The following FAM131C variants were observed in gnomAD, a reference collection of about 807,000 sequenced individuals.
The protein encoded by FAM131C is family with sequence similarity 131 member C.
Under a neutral mutation model 29.8 loss-of-function variants are expected in FAM131C, and 14 were observed. The ratio of observed to expected loss-of-function variants is 0.47; its 90% CI spans 0.31 to 0.73. The LOEUF is 0.73. FAM131C is among the 30% of genes least tolerant of loss of function. The pLI, the probability that FAM131C is intolerant of heterozygous loss-of-function variation, is 0.05. For missense variants in FAM131C, 252 were observed against 383.8 expected (o/e 0.66, Z 2.87); for synonymous variants, 86 against 157.8 (o/e 0.54, Z 3.41).
At position 16,062,523 on chromosome 1, in the gene FAM131C, C is replaced by T. The variant is rs767889621; in HGVS notation, c.150G>A (p.Met50Ile). The change falls in exon 3 of 7, where the codon ATG (methionine) becomes ATA (isoleucine). Residue 50 changes from methionine to isoleucine, a missense_variant. By Grantham distance (10) the Met-to-Ile change is conservative. Around this residue, in one of 6 missense-constraint regions of FAM131C, gnomAD observed 52 missense variants for 105.9 expected, o/e 0.49. Coordinates refer to ENST00000375662, the MANE Select transcript of FAM131C (RefSeq NM_182623.3). ...PDCVIGKDKQ[M>I]DFCWDPWQRC... ...CCTGCCAAGGATCCCAACAGAAATC[C>T]ATCTGTTTGTCCTAAAACAAGAGGA... 32 of 1,580,634 alleles carry T rather than the reference C, an allele frequency of 2.0e-5. No homozygotes were observed. Among genetic ancestry groups the T allele is most frequent in the Non-Finnish European group, 2.3e-5 (27 of 1,163,564 alleles).
chr1:16,073,518 G>A lies in FAM131C; in HGVS notation c.-76C>T. On this transcript the variant is annotated 5_prime_UTR_variant, in exon 1 of 7. Transcript: ENST00000375662. ...GGCGTTCATGTCTCCGCGGGCCCGG[G>A]GCTGAGCGCTGCGGAGCCAGAGGAC... is the stretch of plus-strand genomic sequence containing the variant. 4.3e-6 allele frequency: 4 copies of A among 932,482 alleles called. No individual in the cohort carries two copies. The highest frequency in any genetic ancestry group is 5.5e-6 in the Non-Finnish European group (4 of 730,866). The allele number at this position is 932,482 out of a possible 1,614,324, so 57.8% of individuals were successfully genotyped here. A position where few individuals can be genotyped will look rare whatever the true frequency, so the allele number is the denominator to read the frequency against.
intron 1 of FAM131C, among the ~76,000 whole-genome samples, chr1:16,066,128 C>T (rs1453529971): frequency 1.3e-5 from 2 of 152,188 alleles, no homozygotes; most frequent in Admixed American, 6.5e-5. Flanking sequence ...CTCAGGCGAT[C>T]CGCCTGCCTC....
intron 1 of FAM131C, among the ~76,000 whole-genome samples, chr1:16,065,297 C>T (rs1220120128): frequency 1.3e-5 from 2 of 152,206 alleles, no homozygotes; most frequent in African/African-American, 4.8e-5. Flanking sequence ...CGCAGTCAAC[C>T]GGCAAATCCT....
At position 16,059,916 on chromosome 1, in the gene FAM131C, T is replaced by A. The variant is rs377599440; in HGVS notation, c.404A>T (p.His135Leu). 2 of 1,428,072 alleles carry A rather than the reference T, an allele frequency of 1.4e-6. No homozygotes were observed. The highest frequency in any genetic ancestry group is 1.9e-6 in the Non-Finnish European group (2 of 1,078,802). 88.5% of individuals were successfully genotyped at this position (1,428,072 alleles called of 1,614,324 possible). A position where few individuals can be genotyped will look rare whatever the true frequency, so the allele number is the denominator to read the frequency against. ...CAGCTCATCCGGGAGGCAGCAGTAA[T>A]GCTCGTCCTCAGCTGGGGACAGCTC... ...GWELSPAEDE[H>L]YCCLPDELRE... The change falls in exon 5 of 7, where the codon CAT becomes CTT. Residue 135 changes from histidine (H) to leucine (L), a missense_variant. By Grantham distance (99) the His-to-Leu change is moderately conservative. Around this residue, in one of 6 missense-constraint regions of FAM131C, gnomAD observed 38 missense variants for 32.7 expected, o/e 1.16. Transcript: ENST00000375662.
chr1:16,066,479 G>A (rs2023685067), intron 1 of FAM131C, among the ~76,000 whole-genome samples: 1 of 152,226 alleles, frequency 6.6e-6, no homozygotes, highest in South Asian at 2.1e-4. Flanking sequence ...CCCTGAGCTA[G>A]TCCTGCCCCT....
Position 16,059,890 on chromosome 1 carries a change from G to A in FAM131C, c.430C>T (p.Arg144Cys), listed in dbSNP as rs781054255. The stretch of plus-strand genomic sequence containing the variant: ...TGACCTGCAGCAAAGCGGGCCTCAC[G>A]CAGCTCATCCGGGAGGCAGCAGTAA... ...EHYCCLPDEL[R>C]EARFAAGVAE... Residue 144 changes from arginine to cysteine, a missense_variant, in exon 5 of 7, where the codon CGT (arginine) becomes TGT (cysteine). Arg to Cys is a radical substitution (Grantham distance 180, BLOSUM62 -3). Around this residue, in one of 6 missense-constraint regions of FAM131C, gnomAD observed 38 missense variants for 32.7 expected, o/e 1.16. Transcript: ENST00000375662. The A allele has an allele frequency of 1.6e-6, 2 of 1,269,016 alleles. No homozygotes were observed. Among genetic ancestry groups the A allele is most frequent in the African/African-American group, 1.9e-5 (1 of 53,634 alleles). 78.6% of individuals were successfully genotyped at this position (1,269,016 alleles called of 1,614,324 possible).
At chr1:16,058,913 TAA>T (rs2023539518) in intron 6 of FAM131C, among the ~76,000 whole-genome samples, 196 bp from the exon 7 acceptor site, 2 of 152,248 alleles carry the variant, frequency 1.3e-5, no homozygotes, top group African/African-American at 4.8e-5. Context: ...ACGGAGGAGT[TAA>T]GAGTGGGCTT....
chr1:16,070,092 G>A (rs1470482906), intron 1 of FAM131C, among the ~76,000 whole-genome samples: 1 of 152,106 alleles, frequency 6.6e-6, no homozygotes, highest in African/African-American at 2.4e-5. Flanking sequence ...AGCAAAGGAC[G>A]GGGTTTCCAC....
In FAM131C at chr1:16,058,516, C is replaced by T. The variant is rs768906639; in HGVS notation, c.764G>A (p.Gly255Asp). Residue 255 changes from glycine to aspartate, a missense_variant, in exon 7 of 7, where the codon GGT becomes GAT. By Grantham distance (94) the Gly-to-Asp change is moderately conservative. Around this residue, in one of 6 missense-constraint regions of FAM131C, gnomAD observed 42 missense variants for 51.7 expected, o/e 0.81. Coordinates refer to ENST00000375662, the MANE Select transcript of FAM131C (RefSeq NM_182623.3). ...GAGGGAGCCCGGGGGGTGGGTCCCA[C>T]CCTCGGGTCCTTGGGCCCCGGGCAG... ...RRLPGAQGPE[G>D]GTHPPGSLPS... 10 of 1,518,382 alleles carry T rather than the reference C, an allele frequency of 6.6e-6. No homozygotes were observed. The highest frequency in any genetic ancestry group is 7.9e-6 in the Non-Finnish European group (9 of 1,134,254). 94.1% of individuals were successfully genotyped at this position (1,518,382 alleles called of 1,614,324 possible).
At chr1:16,066,093 G>T (rs537499535) in intron 1 of FAM131C, among the ~76,000 whole-genome samples, 18 of 152,046 alleles carry the variant, frequency 1.2e-4, no homozygotes, top group Non-Finnish European at 2.4e-4. Context: ...CACCATGTTG[G>T]CCAGGCTGGT....
In FAM131C at chr1:16,059,478, A is replaced by G; in HGVS notation, c.562+16T>C. 8 of 1,610,636 alleles carry G rather than the reference A, an allele frequency of 5.0e-6. No homozygotes were observed. Among genetic ancestry groups the G allele is most frequent in the Non-Finnish European group, 6.8e-6 (8 of 1,178,296 alleles). On this transcript the variant is annotated intron_variant, in intron 6 of 6. Transcript: ENST00000375662. ...CACTCTGCCCACCCCCGCCCCCTGG[A>G]CCCTCTGGGCTGTACCTTGGAGCTG...
intron 2 of FAM131C, among the ~76,000 whole-genome samples, chr1:16,062,846 C>T (rs1212250771): frequency 2.0e-5 from 3 of 152,226 alleles, no homozygotes; most frequent in African/African-American, 7.2e-5. Context: ...CACGTCTCTT[C>T]CTCTGCAAAA....
At chr1:16,066,731 A>AAC (rs1485342346) in intron 1 of FAM131C, among the ~76,000 whole-genome samples, 2 of 152,254 alleles carry the variant, frequency 1.3e-5, no homozygotes, top group African/African-American at 4.8e-5. Context: ...GTGTGTGCAC[A>AAC]ACACACACAG....
intron 1 of FAM131C, among the ~76,000 whole-genome samples, chr1:16,064,679 A>G (rs2023652911): frequency 6.6e-6 from 1 of 151,976 alleles, no homozygotes; most frequent in Non-Finnish European, 1.5e-5. Context: ...GCTTGTGACC[A>G]CTGTTTCCTT....
chr1:16,063,143 A>G (rs1430845190), intron 2 of FAM131C, among the ~76,000 whole-genome samples: 2 of 143,650 alleles, frequency 1.4e-5, no homozygotes, highest in Non-Finnish European at 3.0e-5. Flanking sequence ...CATATAAATT[A>G]TATATAATAT....
At chr1:16,071,004 T>C (rs1377279416) in intron 1 of FAM131C, among the ~76,000 whole-genome samples, 1 of 152,212 alleles carries the variant, frequency 6.6e-6, no homozygotes, top group Non-Finnish European at 1.5e-5. Context: ...CCCAGCTGGG[T>C]GCAAGCTCTG....
intron 3 of FAM131C, 98 bp downstream of exon 3, chr1:16,062,401 G>GGCCCCC: frequency 2.0e-6 from 2 of 1,005,788 alleles, no homozygotes; most frequent in Non-Finnish European, 2.7e-6. Flanking sequence ...CCCCGCCCCA[G>GGCCCCC]GGCCAGCAGG....
chr1:16,069,153 G>A (rs1470270213), intron 1 of FAM131C, among the ~76,000 whole-genome samples: 1 of 152,108 alleles, frequency 6.6e-6, no homozygotes, highest in East Asian at 1.9e-4. Flanking sequence ...GTCACACTTC[G>A]GCCCTTGTGA....
intron 1 of FAM131C, among the ~76,000 whole-genome samples, chr1:16,067,271 C>G (rs2124133146): frequency 6.6e-6 from 1 of 152,290 alleles, no homozygotes; most frequent in South Asian, 2.1e-4. Context: ...TGAACCAGCC[C>G]AGGGTGAAAT....
Sources: gnomAD v4.1 joint callset for allele counts (sites outside exome capture counted in the v4.1 genomes callset) on GRCh38, gnomAD v4.1.1 for gene constraint, gnomAD v4.1.1 regional missense constraint, MANE v1.5 for transcripts, NCBI Gene and HGNC (gene_info 2026-07-23, HGNC 2026-07-21) for gene names.